The following ZNF385D variants were observed in gnomAD, a reference collection of about 807,000 sequenced individuals.
ZNF385D encodes zinc finger protein 385D.
ZNF385D carries 15 observed loss-of-function variants against 35.8 expected under a neutral mutation model. The ratio of observed to expected loss-of-function variants is 0.42; its 90% confidence interval spans 0.28 to 0.64. The LOEUF (loss-of-function observed/expected upper bound fraction) is 0.64. ZNF385D is among the 30% of genes least tolerant of loss of function. The pLI, the probability that ZNF385D is intolerant of heterozygous loss-of-function variation, is 0.23. For synonymous variants in ZNF385D, 212 were observed against 186.8 expected, an observed-to-expected ratio of 1.13 and a Z score of -1.10; for missense variants, 474 against 494.6, an observed-to-expected ratio of 0.96 and a Z score of 0.39.
intron 3 of ZNF385D, among the ~76,000 whole-genome samples, chr3:21,969,996 A>G (rs1703148193): frequency 1.3e-5 from 2 of 152,318 alleles, no homozygotes; most frequent in South Asian, 4.1e-4. Flanking sequence ...TTACTGTGTT[A>G]TTGAGCTTGG....
chr3:21,453,605 C>T (rs1702601987), intron 4 of ZNF385D, among the ~76,000 whole-genome samples: 1 of 151,914 alleles, frequency 6.6e-6, no homozygotes, highest in Non-Finnish European at 1.5e-5. Flanking sequence ...CCAATACACA[C>T]ATGAAAAGAT....
chr3:21,751,999 A>ACC (rs2070115329), upstream of ZNF385D, among the ~76,000 whole-genome samples: 1 of 94,796 alleles, frequency 1.1e-5, no homozygotes, highest in Non-Finnish European at 2.3e-5. Flanking sequence ...CCACACACAC[A>ACC]CACACCCACC....
intron 3 of ZNF385D, among the ~76,000 whole-genome samples, chr3:22,145,452 T>C (rs1576398077): frequency 6.6e-6 from 1 of 152,230 alleles, no homozygotes; most frequent in African/African-American, 2.4e-5. Context: ...GAACTACCAA[T>C]GCTCTTTACA....
At chr3:22,115,507 A>G (rs1326663102) in intron 3 of ZNF385D, among the ~76,000 whole-genome samples, 3 of 152,178 alleles carry the variant, frequency 2.0e-5, no homozygotes, top group Middle Eastern at 6.8e-3. Context: ...ATGAAAGAAA[A>G]TGGTCATTTT....
chr3:21,889,683 G>T (rs1698741139), intron 3 of ZNF385D, among the ~76,000 whole-genome samples: 1 of 152,200 alleles, frequency 6.6e-6, no homozygotes, highest in Non-Finnish European at 1.5e-5. Context: ...AGGGGAGAAG[G>T]ATGAAGTATG....
chr3:21,735,082 C>G (rs778300699), intron 1 of ZNF385D, among the ~76,000 whole-genome samples: 3 of 152,054 alleles, frequency 2.0e-5, no homozygotes, highest in Non-Finnish European at 2.9e-5. Flanking sequence ...TAGACTCTGC[C>G]GAGTGCAGAG....
chr3:22,076,181 T>A (rs1700453628), intron 3 of ZNF385D, among the ~76,000 whole-genome samples: 1 of 151,880 alleles, frequency 6.6e-6, no homozygotes, highest in Admixed American at 6.6e-5. Flanking sequence ...CAAATCTACA[T>A]CAGATCTTGT....
intron 3 of ZNF385D, among the ~76,000 whole-genome samples, chr3:21,975,782 T>A (rs558064194): frequency 3.4e-5 from 5 of 145,682 alleles, no homozygotes; most frequent in African/African-American, 1.0e-4. Context: ...CACAAAAATA[T>A]ATATCTACTA....
intron 2 of ZNF385D, among the ~76,000 whole-genome samples, chr3:22,221,072 A>G (rs1021070081): frequency 2.0e-5 from 3 of 152,198 alleles, no homozygotes; most frequent in South Asian, 2.1e-4. Flanking sequence ...ATCAGATCTA[A>G]TGCAGTTATT....
intron 3 of ZNF385D, among the ~76,000 whole-genome samples, chr3:21,877,206 T>C (rs1354204805): frequency 1.3e-5 from 2 of 152,058 alleles, no homozygotes; most frequent in African/African-American, 4.8e-5. Context: ...TCTGTTTGCA[T>C]AGGAATGGGC....
At chr3:22,366,013 G>C (rs1468265182) in intron 2 of ZNF385D, among the ~76,000 whole-genome samples, 1 of 151,980 alleles carries the variant, frequency 6.6e-6, no homozygotes, top group Non-Finnish European at 1.5e-5. Flanking sequence ...AGAAACAATA[G>C]ATTCTTAAAG....
intron 1 of ZNF385D, among the ~76,000 whole-genome samples, chr3:21,744,692 G>A (rs1431892727): frequency 1.3e-5 from 2 of 151,892 alleles, no homozygotes; most frequent in African/African-American, 4.8e-5. Context: ...AGACATTTTT[G>A]TACATTGGCC....
At chr3:21,661,270 G>T (rs947180106) in intron 2 of ZNF385D, among the ~76,000 whole-genome samples, 3 of 152,062 alleles carry the variant, frequency 2.0e-5, no homozygotes, top group African/African-American at 7.2e-5. Flanking sequence ...ACAGCCATTT[G>T]CTCCTGTACT....
chr3:21,782,533 C>T (rs2071533632), intron 3 of ZNF385D, among the ~76,000 whole-genome samples: 1 of 151,988 alleles, frequency 6.6e-6, no homozygotes, highest in African/African-American at 2.4e-5. Context: ...TAATTAATGT[C>T]ATTTGTGTCT....
intron 3 of ZNF385D, among the ~76,000 whole-genome samples, chr3:21,859,503 T>C (rs1696922948): frequency 6.6e-6 from 1 of 151,934 alleles, no homozygotes; most frequent in South Asian, 2.1e-4. Flanking sequence ...CCACTCTCTT[T>C]GCTCTGATCA....
chr3:21,475,382 T>C (rs1704166790), intron 4 of ZNF385D, among the ~76,000 whole-genome samples: 1 of 152,146 alleles, frequency 6.6e-6, no homozygotes. Context: ...AATAATTTCA[T>C]GTATGAAATA....
At chr3:21,893,974 C>T (rs1050668259) in intron 3 of ZNF385D, among the ~76,000 whole-genome samples, 1 of 152,112 alleles carries the variant, frequency 6.6e-6, no homozygotes, top group African/African-American at 2.4e-5. Context: ...ACAAAAACAA[C>T]TTTTAACATG....
intron 2 of ZNF385D, among the ~76,000 whole-genome samples, chr3:22,358,155 G>A (rs1300263645): frequency 6.6e-6 from 1 of 151,842 alleles, no homozygotes; most frequent in African/African-American, 2.4e-5. Context: ...ATACTGAAAA[G>A]AGACTTTTGG....
At chr3:21,603,180 C>T (rs1416027340) in intron 2 of ZNF385D, among the ~76,000 whole-genome samples, 1 of 152,142 alleles carries the variant, frequency 6.6e-6, no homozygotes, top group African/African-American at 2.4e-5. Context: ...TAAATGGCCT[C>T]TCTTAAAGAG....
Sources: gnomAD v4.1 joint callset for allele counts (sites outside exome capture counted in the v4.1 genomes callset) on GRCh38, gnomAD v4.1.1 for gene constraint, MANE v1.5 for transcripts, NCBI Gene and HGNC (gene_info 2026-07-23, HGNC 2026-07-21) for gene names.